Variants in SIN3B observed in about 807,000 individuals in gnomAD.
SIN3B encodes paired amphipathic helix protein Sin3b.
Under a neutral mutation model 120.2 loss-of-function variants are expected in SIN3B, and 19 were observed. That is an observed-to-expected ratio of 0.16 (90% CI 0.11 to 0.23). The LOEUF is 0.23. Among genes scored for constraint, SIN3B ranks in the 10% least tolerant of loss-of-function variants. SIN3B has a pLI of 1.00. For missense variants in SIN3B, 1,073 were observed against 1,573.0 expected, an observed-to-expected ratio of 0.68 and a Z score of 5.38; for synonymous variants, 654 against 653.2, an observed-to-expected ratio of 1.00 and a Z score of -0.02.
At position 16,871,290 on chromosome 19, in the gene SIN3B, G is replaced by A. The variant is rs199919634; in HGVS notation, c.2484G>A (p.Glu828=). 3.7e-6 allele frequency: 6 copies of A among 1,614,090 alleles called. No individual in the cohort carries two copies. In the Middle Eastern group the frequency reaches 4.9e-4, roughly 133 times the overall value. ...AFLDMVRSLL[E]GSIDPTQYED... is the part of the protein sequence containing the mutation. ...TGGACATGGTGCGGAGCCTGCTGGA[G>A]GGCAGCATCGACCCCACGCAGTACG... The change falls in exon 14 of 19, where the codon GAG becomes GAA. Residue 828 remains glutamate, a synonymous_variant. Transcript: ENST00000248054.
chr19:16,841,795 G>A lies in SIN3B; in HGVS notation c.409G>A (p.Ala137Thr), dbSNP rs1328837609. 2.5e-6 allele frequency: 4 copies of A among 1,614,104 alleles called. No homozygotes were observed. The African/African-American group carries it at 5.3e-5, about 22-fold the overall frequency. ...GAATTCGCACAACCACGGGGACGGT[G>A]CAGAGGACTTCAAGCAGCAGGTGCC... is the stretch of plus-strand genomic sequence containing the variant. ...QENSHNHGDGAEDFKQQVPYK... is the reference protein window; with the variant it reads ...QENSHNHGDGTEDFKQQVPYK... The change falls in exon 4 of 19, where the codon GCA becomes ACA. Residue 137 changes from alanine (A) to threonine (T), a missense_variant. Coordinates refer to ENST00000248054, the MANE Select transcript of SIN3B (RefSeq NM_001297595.2).
At chr19:16,861,727 C>T (rs1971690695) in intron 8 of SIN3B, among the ~76,000 whole-genome samples, 1 of 149,980 alleles carries the variant, frequency 6.7e-6, no homozygotes, top group Non-Finnish European at 1.5e-5. Context: ...TGTGCCATTG[C>T]ACCCCAGCCT....
intron 2 of SIN3B, among the ~76,000 whole-genome samples, chr19:16,830,215 G>T (rs1971262291): frequency 6.6e-6 from 1 of 152,204 alleles, no homozygotes; most frequent in Non-Finnish European, 1.5e-5. Context: ...GTTCATGAAA[G>T]ATTTGGTGGG....
intron 3 of SIN3B, among the ~76,000 whole-genome samples, chr19:16,837,118 A>G (rs1436498103): frequency 6.6e-6 from 1 of 151,804 alleles, no homozygotes; most frequent in East Asian, 1.9e-4. Context: ...TTCATGAGGG[A>G]CTGTTCCTGG....
At chr19:16,859,263 C>T (rs1037799966) in intron 8 of SIN3B, among the ~76,000 whole-genome samples, 1 of 152,174 alleles carries the variant, frequency 6.6e-6, no homozygotes, top group Non-Finnish European at 1.5e-5. Flanking sequence ...GCTCCAGCCC[C>T]AAAGCCAGCC....
chr19:16,877,302 G>A (rs144270272), intron 16 of SIN3B: 4 of 521,024 alleles, frequency 7.7e-6, no homozygotes, highest in East Asian at 3.3e-5. Context: ...AGCTTCCGGG[G>A]GCTTCTGGCG....
chr19:16,863,031 A>G, intron 9 of SIN3B: 1 of 1,350,106 alleles, frequency 7.4e-7, no homozygotes, highest in Non-Finnish European at 1.1e-6. Flanking sequence ...GTTTGTAAAT[A>G]AAGTTTTACT....
At chr19:16,832,984 G>T (rs973392010) in intron 3 of SIN3B, among the ~76,000 whole-genome samples, 12 of 152,206 alleles carry the variant, frequency 7.9e-5, no homozygotes, top group African/African-American at 2.7e-4. Context: ...GCATTGTGGG[G>T]TGTTTAGCAG....
chr19:16,869,548 A>G lies in SIN3B; in HGVS notation c.1895A>G (p.Asp632Gly), dbSNP rs2144620391. Residue 632 changes from aspartate to glycine, a missense_variant, in exon 13 of 19, where the codon GAC (aspartate) becomes GGC (glycine). Asp to Gly is a moderately conservative substitution (Grantham distance 94). Coordinates refer to ENST00000248054, the MANE Select transcript of SIN3B (RefSeq NM_001297595.2). ...FVYEDRQILE[D>G]AAALISYYVK... is the part of the protein sequence containing the mutation. ...TACGAGGACCGGCAGATCCTGGAGG[A>G]CGCAGCAGCGCTCATCAGCTACTAC... 6.2e-7 allele frequency: 1 copy of G among 1,613,854 alleles called. No individual in the cohort carries two copies. Among genetic ancestry groups the G allele is most frequent in the East Asian group, 2.2e-5 (1 of 44,876 alleles).
At position 16,862,980 on chromosome 19, in the gene SIN3B, G is replaced by T; in HGVS notation, c.1266+421G>T. ...CTGGATTCCAGGATATAGTGCAGGG[G>T]TCAGCAAACTCTGGCCCACGGGCCC... is the stretch of plus-strand genomic sequence containing the variant. On this transcript the variant is annotated intron_variant, in intron 9 of 18. Transcript: ENST00000248054. The surrounding 1 kb of genome is among the most constrained non-coding windows in gnomAD (Gnocchi z 4.7). 1 of 1,612,398 alleles carries T rather than the reference G, an allele frequency of 6.2e-7. No homozygotes were observed. The highest frequency in any genetic ancestry group is 2.2e-5 in the East Asian group (1 of 44,876).
chr19:16,864,187 G>A (rs1971728875), intron 10 of SIN3B, among the ~76,000 whole-genome samples: 1 of 152,024 alleles, frequency 6.6e-6, no homozygotes, highest in Non-Finnish European at 1.5e-5. Flanking sequence ...CCAGCTACTC[G>A]AGAGGCAGAA....
intron 4 of SIN3B, among the ~76,000 whole-genome samples, chr19:16,845,433 C>T (rs1254102580): frequency 1.3e-5 from 2 of 151,592 alleles, no homozygotes; most frequent in Admixed American, 6.6e-5. Flanking sequence ...CCCCCACACC[C>T]GGGTAATTTT....
chr19:16,829,459 C>G lies in SIN3B; in HGVS notation c.39C>G (p.Ala13=). The change falls in exon 1 of 19, where the codon GCC becomes GCG. Residue 13 remains alanine (A), a synonymous_variant. Coordinates refer to ENST00000248054, the MANE Select transcript of SIN3B (RefSeq NM_001297595.2). ...GCGGTGGCAGCGGTGGCAGCGGTGC[C>G]GGCGGCCCCGCGGGCCGGGGGCTGA... ...HAGGGSGGSG[A]GGPAGRGLSG... 8.2e-7 allele frequency: 1 copy of G among 1,215,450 alleles called. No individual in the cohort carries two copies. The highest frequency in any genetic ancestry group is 1.0e-6 in the Non-Finnish European group (1 of 977,270). 75.3% of individuals were successfully genotyped at this position (1,215,450 alleles called of 1,614,324 possible). A position where few individuals can be genotyped will look rare whatever the true frequency, so the allele number is the denominator to read the frequency against.
intron 14 of SIN3B, among the ~76,000 whole-genome samples, chr19:16,875,277 GGGTCT>G (rs1260823707): frequency 1.2e-4 from 14 of 120,848 alleles, no homozygotes; most frequent in African/African-American, 3.8e-4. Flanking sequence ...GGTCTGGTTT[GGGTCT>G]GGTCTGGTCT....
At chr19:16,877,168 C>T (rs1311492941) in intron 16 of SIN3B, 1 of 257,402 alleles carries the variant, frequency 3.9e-6, no homozygotes, top group Admixed American at 5.0e-5. Context: ...GACCACAAAC[C>T]ACGTGGCTTC....
Position 16,869,537 on chromosome 19 carries a change from G to C in SIN3B, c.1884G>C (p.Gln628His). The C allele has an allele frequency of 6.2e-7, 1 of 1,613,928 alleles. No homozygotes were observed. Among genetic ancestry groups the C allele is most frequent in the Middle Eastern group, 1.6e-4 (1 of 6,062 alleles). The change falls in exon 13 of 19, where the codon CAG becomes CAC. Residue 628 changes from glutamine to histidine, a missense_variant. This residue lies in a region of SIN3B where 169 missense variants were observed against 207.3 expected (regional missense o/e 0.82). Transcript: ENST00000248054. Reference protein sequence around the residue: ...PHLIFVYEDRQILEDAAALIS... With the variant: ...PHLIFVYEDRHILEDAAALIS... ...TCATCTTTGTGTACGAGGACCGGCA[G>C]ATCCTGGAGGACGCAGCAGCGCTCA...
chr19:16,852,807 A>G (rs1971562763), intron 6 of SIN3B, among the ~76,000 whole-genome samples: 1 of 152,054 alleles, frequency 6.6e-6, no homozygotes, highest in Non-Finnish European at 1.5e-5. Context: ...TGCCTTTCTG[A>G]TGCTGTGGCA....
chr19:16,873,566 G>A (rs1323631594), intron 14 of SIN3B, among the ~76,000 whole-genome samples: 6 of 150,246 alleles, frequency 4.0e-5, no homozygotes, highest in South Asian at 4.2e-4. Flanking sequence ...CCATGGCTTC[G>A]GGGACAGCAA....
Position 16,869,910 on chromosome 19 carries a change from C to T in SIN3B, c.2257C>T (p.Leu753=). 1.9e-6 allele frequency: 3 copies of T among 1,614,252 alleles called. No homozygotes were observed. Among genetic ancestry groups the T allele is most frequent in the South Asian group, 1.1e-5 (1 of 91,090 alleles). The change falls in exon 13 of 19, where the codon CTG becomes TTG. Residue 753 remains leucine, a synonymous_variant. Coordinates refer to ENST00000248054, the MANE Select transcript of SIN3B (RefSeq NM_001297595.2). ...TGCCAACAACAACTGGTACTTCTTC[C>T]TGCGCCTGCACCAGACCCTGTGCTC... ...FFANNNWYFF[L]RLHQTLCSRL...
Sources: gnomAD v4.1 joint callset for allele counts (sites outside exome capture counted in the v4.1 genomes callset) on GRCh38, gnomAD v4.1.1 for gene constraint, gnomAD v4.1.1 regional missense constraint, Gnocchi (gnomAD v3.1) non-coding constraint, MANE v1.5 for transcripts, NCBI Gene and HGNC (gene_info 2026-07-23, HGNC 2026-07-21) for gene names.